The following SRGAP2B variants were observed in gnomAD, a reference collection of about 807,000 sequenced individuals.
The protein encoded by SRGAP2B is SLIT-ROBO Rho GTPase activating protein 2B, also known as SLIT-ROBO Rho GTPase-activating protein 2B.
SRGAP2B carries 9 observed loss-of-function variants against 22.2 expected under a neutral mutation model. That is an observed-to-expected ratio of 0.41 (90% CI 0.24 to 0.71). SRGAP2B has a LOEUF of 0.71. Ranked by LOEUF, SRGAP2B falls within the 30% of genes least tolerant of loss-of-function variation. SRGAP2B has a pLI of 0.35. For missense variants in SRGAP2B, 114 were observed against 235.8 expected (o/e 0.48, Z 3.38); for synonymous variants, 36 against 87.4 (o/e 0.41, Z 3.28).
chr1:144,972,772 A>G (rs1433280671), intron 3 of SRGAP2B, among the ~76,000 whole-genome samples: 5 of 149,502 alleles, frequency 3.3e-5, no homozygotes, highest in African/African-American at 1.3e-4. Flanking sequence ...ACCAACTAGC[A>G]TTTCTCAAAA....
At chr1:144,920,243 A>AT (rs1330386700) in intron 4 of SRGAP2B, among the ~76,000 whole-genome samples, 6 of 150,790 alleles carry the variant, frequency 4.0e-5, no homozygotes, top group East Asian at 1.9e-4. Context: ...GATATTTCCT[A>AT]TTTTTTTATC....
At chr1:144,957,148 C>T (rs1409293349) in intron 3 of SRGAP2B, among the ~76,000 whole-genome samples, 1 of 150,760 alleles carries the variant, frequency 6.6e-6, no homozygotes, top group African/African-American at 2.5e-5. Context: ...TTCTTTCCCC[C>T]TTTCCTCTCT....
intron 4 of SRGAP2B, among the ~76,000 whole-genome samples, chr1:144,944,125 C>A (rs1353814757): frequency 6.7e-6 from 1 of 150,164 alleles, no homozygotes; most frequent in African/African-American, 2.5e-5. Flanking sequence ...AATTTAATAG[C>A]CTCCTAGAAT....
intron 5 of SRGAP2B, 85 bp from the exon 6 acceptor site, chr1:144,906,159 A>G: frequency 1.4e-6 from 1 of 699,386 alleles, no homozygotes; most frequent in Non-Finnish European, 2.6e-6. Flanking sequence ...ACTCAGCTGG[A>G]GCTCTCCCCC....
In SRGAP2B at chr1:144,985,115, T is replaced by TA. The variant is rs1444609778; in HGVS notation, c.260+9892dup. 3.1e-5 allele frequency among the ~76,000 whole-genome samples: 4 copies of TA among 128,472 alleles called. No homozygotes were observed. In the East Asian group the frequency reaches 8.5e-4, roughly 27 times the overall value. The allele number at this position is 128,472 out of a possible 152,430, so 84.3% of individuals were successfully genotyped here. ...TCTTCTGCAGCATATACTTAGTACT[T>TA]ACTACATATAGCCTTATGTTGAAGA... is the stretch of plus-strand genomic sequence containing the variant. On this transcript the variant is annotated intron_variant, in intron 3 of 9. Coordinates refer to ENST00000612199, the Ensembl canonical transcript of SRGAP2B.
chr1:145,007,124 G>A (rs1175763435), intron 2 of SRGAP2B, among the ~76,000 whole-genome samples: 2 of 150,508 alleles, frequency 1.3e-5, no homozygotes, highest in African/African-American at 2.5e-5. Flanking sequence ...TCCATTAAAA[G>A]GCAACCACGA....
intron 2 of SRGAP2B, among the ~76,000 whole-genome samples, chr1:145,016,942 G>A (rs766896207): frequency 2.8e-5 from 4 of 144,370 alleles, no homozygotes; most frequent in South Asian, 4.4e-4. Flanking sequence ...ACCGCCTCCC[G>A]GGTTCAAGTT....
intron 3 of SRGAP2B, among the ~76,000 whole-genome samples, chr1:144,992,930 T>C (rs1553617665): frequency 6.6e-6 from 1 of 151,620 alleles, no homozygotes; most frequent in Non-Finnish European, 1.5e-5. Flanking sequence ...TAGATAGTGC[T>C]GAATGCCCTA....
At chr1:144,928,667 G>A (rs1553345791) in intron 4 of SRGAP2B, among the ~76,000 whole-genome samples, 11 of 141,264 alleles carry the variant, frequency 7.8e-5, no homozygotes, top group East Asian at 2.0e-4. Context: ...CTCGATCTCC[G>A]GACCTCGTGA....
intron 4 of SRGAP2B, among the ~76,000 whole-genome samples, chr1:144,934,403 C>CAAAAAAAAAAAA (rs782588401): frequency 2.5e-5 from 1 of 40,680 alleles, no homozygotes; most frequent in African/African-American, 1.1e-4. Context: ...AACTCCATCT[C>CAAAAAAAAAAAA]AAAAAAAAAA....
At chr1:145,041,376 C>T (rs1206631370) in intron 2 of SRGAP2B, among the ~76,000 whole-genome samples, 1 of 135,742 alleles carries the variant, frequency 7.4e-6, no homozygotes, top group African/African-American at 2.9e-5. Context: ...AATCGCAGCA[C>T]CTTGGGAGGC....
At chr1:144,988,952 C>T (rs1669956678) in intron 3 of SRGAP2B, among the ~76,000 whole-genome samples, 1 of 132,248 alleles carries the variant, frequency 7.6e-6, no homozygotes, top group African/African-American at 2.9e-5. Flanking sequence ...TATTTAGTTT[C>T]TTGAATACCT....
intron 3 of SRGAP2B, among the ~76,000 whole-genome samples, chr1:144,960,614 G>C (rs1193108523): frequency 6.7e-6 from 1 of 149,542 alleles, no homozygotes; most frequent in Non-Finnish European, 1.5e-5. Context: ...CTCTATTATG[G>C]TTCTTTTCCA....
At position 145,073,034 on chromosome 1, in the gene SRGAP2B, T is replaced by C. The variant is rs1652261168; in HGVS notation, c.67+19801A>G. Among the ~76,000 whole-genome samples, 2 of 148,948 alleles carry C rather than the reference T, an allele frequency of 1.3e-5. 1 individual carries two copies. Among genetic ancestry groups the C allele is most frequent in the Non-Finnish European group, 3.0e-5 (2 of 67,500 alleles). On this transcript the variant is annotated intron_variant, in intron 2 of 9. Transcript: ENST00000612199. ...CCAACCAAACTCGGAGCAAGGCAGC[T>C]CAGAACTCCAGTTTTCTCTCTCCTT... is the stretch of plus-strand genomic sequence containing the variant.
chr1:145,080,933 C>T (rs1455667731), intron 2 of SRGAP2B, among the ~76,000 whole-genome samples: 3 of 148,942 alleles, frequency 2.0e-5, no homozygotes, highest in Middle Eastern at 3.3e-3. Flanking sequence ...ATGTTTAACC[C>T]CTAGTATTTT....
chr1:144,955,670 T>C, intron 3 of SRGAP2B, 69 bp from the exon 4 acceptor site: 1 of 575,994 alleles, frequency 1.7e-6, no homozygotes, highest in Non-Finnish European at 3.1e-6. Context: ...ACAACTATAG[T>C]CCGTGTCCTA....
chr1:144,992,214 T>C (rs1553617357), intron 3 of SRGAP2B, among the ~76,000 whole-genome samples: 1 of 150,234 alleles, frequency 6.7e-6, no homozygotes, highest in Non-Finnish European at 1.5e-5. Context: ...TCCGAACACA[T>C]CTGAACATCA....
At chr1:144,986,388 G>A (rs1189337947) in intron 3 of SRGAP2B, among the ~76,000 whole-genome samples, 1 of 145,126 alleles carries the variant, frequency 6.9e-6, no homozygotes, top group African/African-American at 2.7e-5. Context: ...CCACTGAGAT[G>A]TTCTGGGCAG....
chr1:144,994,567 T>TGTGAGA (rs72366347), intron 3 of SRGAP2B, among the ~76,000 whole-genome samples: 291 of 122,460 alleles, frequency 2.4e-3, no homozygotes, highest in South Asian at 9.7e-3. Flanking sequence ...TGTGTGTGTG[T>TGTGAGA]GAGAGAGAGA....
Sources: allele counts gnomAD v4.1 joint callset (sites outside exome capture counted in the v4.1 genomes callset), GRCh38; gene constraint gnomAD v4.1.1; transcripts MANE v1.5; gene names NCBI Gene and HGNC (gene_info 2026-07-23, HGNC 2026-07-21).